PSTPIP1: variants seen among roughly 807,000 people sequenced by gnomAD.
PSTPIP1 encodes proline-serine-threonine phosphatase-interacting protein 1.
A neutral mutation model predicts 69.6 loss-of-function variants in PSTPIP1; 66 were observed. The observed-to-expected ratio is 0.95, with a 90% CI of 0.78 to 1.16. PSTPIP1 has a LOEUF of 1.16. Ranked by LOEUF, PSTPIP1 falls within the 50% of genes most tolerant of loss-of-function variation. PSTPIP1 has a pLI of 0.00. For synonymous variants in PSTPIP1, 266 were observed against 222.7 expected (o/e 1.19, Z -1.73); for missense variants, 603 against 557.4 (o/e 1.08, Z -0.82).
intron 12 of PSTPIP1, 99 bp downstream of exon 12, chr15:77,033,051 A>G: frequency 8.4e-7 from 1 of 1,194,452 alleles, no homozygotes; most frequent in South Asian, 1.3e-5. Context: ...CTGAGCACCT[A>G]CTATGTGTCT....
At chr15:77,032,483 C>A in intron 11 of PSTPIP1, 89 bp downstream of exon 11, 1 of 1,401,928 alleles carries the variant, frequency 7.1e-7, no homozygotes, top group Non-Finnish European at 1.0e-6. Flanking sequence ...CAGGACCGGG[C>A]TGGGGTAGCT....
chr15:77,030,533 G>A lies in PSTPIP1; in HGVS notation c.594G>A (p.Leu198=). ...TATACAGGCAGAGCATTGCGCAGCT[G>A]GAGAAGGTCCGGGCTGAGTGGGAGC... ...ERVYRQSIAQ[L]EKVRAEWEQE... The change falls in exon 9 of 15, where the codon CTG becomes CTA. Residue 198 remains leucine, a synonymous_variant. Coordinates refer to ENST00000558012, the MANE Select transcript of PSTPIP1 (RefSeq NM_003978.5). 8.7e-6 allele frequency: 14 copies of A among 1,612,588 alleles called. No individual in the cohort carries two copies. Among genetic ancestry groups the A allele is most frequent in the Non-Finnish European group, 1.2e-5 (14 of 1,179,498 alleles).
At chr15:77,013,582 C>T (rs564043400) in intron 1 of PSTPIP1, among the ~76,000 whole-genome samples, 1 of 152,200 alleles carries the variant, frequency 6.6e-6, no homozygotes, top group Non-Finnish European at 1.5e-5. Flanking sequence ...CCGTTCCCTA[C>T]AGCCTTCCAC....
At chr15:77,012,529 T>C (rs1452399133) in intron 1 of PSTPIP1, among the ~76,000 whole-genome samples, 2 of 149,788 alleles carry the variant, frequency 1.3e-5, no homozygotes, top group Admixed American at 6.6e-5. Flanking sequence ...ATCCATCCAT[T>C]CATCCATCCA....
intron 1 of PSTPIP1, 128 bp downstream of exon 1, chr15:76,995,737 CTTAA>C: frequency 6.5e-7 from 1 of 1,534,732 alleles, no homozygotes; most frequent in Non-Finnish European, 8.9e-7. Flanking sequence ...GATTCTTGGT[CTTAA>C]TTGTCATGGA....
Position 77,037,424 on chromosome 15 carries a change from G to T in PSTPIP1, c.*248G>T, listed in dbSNP as rs891731055. 1 of 409,920 alleles carries T rather than the reference G, an allele frequency of 2.4e-6. No homozygotes were observed. The allele number at this position is 409,920 out of a possible 1,614,324, so 25.4% of individuals were successfully genotyped here. A position where few individuals can be genotyped will look rare whatever the true frequency, so the allele number is the denominator to read the frequency against. ...GGCAAAGGAACAAGGGAAGGAGCCT[G>T]GATGTGGAGCTCCCCAACTCAGCCG... On this transcript the variant is annotated 3_prime_UTR_variant, in exon 15 of 15. Coordinates refer to ENST00000558012, the MANE Select transcript of PSTPIP1 (RefSeq NM_003978.5).
At chr15:77,008,082 G>A (rs1322240482) in intron 1 of PSTPIP1, 2 of 456,184 alleles carry the variant, frequency 4.4e-6, no homozygotes, top group East Asian at 7.0e-5. Flanking sequence ...AGAGCTGGGG[G>A]TGGAGGGCGG....
intron 1 of PSTPIP1, among the ~76,000 whole-genome samples, chr15:76,997,346 G>A (rs889270251): frequency 2.6e-5 from 4 of 152,200 alleles, no homozygotes; most frequent in Non-Finnish European, 5.9e-5. Context: ...CACTGAGTCT[G>A]GGCCGATGCC....
At chr15:77,026,529 T>C (rs2076284837) in intron 5 of PSTPIP1, among the ~76,000 whole-genome samples, 1 of 152,192 alleles carries the variant, frequency 6.6e-6, no homozygotes, top group Non-Finnish European at 1.5e-5. Context: ...TGTGCCTCAG[T>C]TTCCCTCTCA....
intron 1 of PSTPIP1, among the ~76,000 whole-genome samples, chr15:77,007,556 C>G (rs1168208600): frequency 6.6e-6 from 1 of 151,416 alleles, no homozygotes; most frequent in Non-Finnish European, 1.5e-5. Context: ...TTGCAGTGAG[C>G]TGTAATCATG....
chr15:77,033,598 G>A (rs2076474774), intron 12 of PSTPIP1, among the ~76,000 whole-genome samples: 2 of 152,172 alleles, frequency 1.3e-5, no homozygotes, highest in African/African-American at 4.8e-5. Flanking sequence ...ACAAGGGTCT[G>A]TGGGTTTCAC....
intron 12 of PSTPIP1, among the ~76,000 whole-genome samples, 179 bp downstream of exon 12, chr15:77,033,131 C>G (rs1196880738): frequency 6.6e-6 from 1 of 152,202 alleles, no homozygotes. Flanking sequence ...GCCTATGGAA[C>G]CCTCAGCCCA....
At chr15:77,013,464 G>A (rs559948810) in intron 1 of PSTPIP1, among the ~76,000 whole-genome samples, 5 of 152,242 alleles carry the variant, frequency 3.3e-5, no homozygotes, top group South Asian at 2.1e-4. Context: ...TCATTGCCCT[G>A]GTACTGTTGT....
At chr15:77,019,356 G>A (rs1346293853) in intron 3 of PSTPIP1, among the ~76,000 whole-genome samples, 2 of 152,182 alleles carry the variant, frequency 1.3e-5, no homozygotes, top group Non-Finnish European at 1.5e-5. Context: ...TCCTCCTGCC[G>A]AGGGGCCCTG....
chr15:77,015,007 G>A (rs1271707337), intron 1 of PSTPIP1, among the ~76,000 whole-genome samples: 1 of 152,182 alleles, frequency 6.6e-6, no homozygotes, highest in Non-Finnish European at 1.5e-5. Flanking sequence ...ATCCAGGACG[G>A]GTTATCCTGG....
At position 77,029,628 on chromosome 15, in the gene PSTPIP1, C is replaced by T. The variant is rs543075797; in HGVS notation, c.562+54C>T. Reference sequence around the variant, plus strand: ...CAGGGCGGAGGCCTGGGCGGTACTCCCCACACACACCTCCTCACCCTGGGG... The same window carrying T: ...CAGGGCGGAGGCCTGGGCGGTACTCTCCACACACACCTCCTCACCCTGGGG... On this transcript the variant is annotated intron_variant, in intron 8 of 14. Coordinates refer to ENST00000558012, the MANE Select transcript of PSTPIP1 (RefSeq NM_003978.5). The T allele has an allele frequency of 2.0e-5, 31 of 1,513,094 alleles. No homozygotes were observed. The African/African-American group carries it at 3.9e-4, about 19-fold the overall frequency. The allele number at this position is 1,513,094 out of a possible 1,614,324, so 93.7% of individuals were successfully genotyped here.
intron 5 of PSTPIP1, among the ~76,000 whole-genome samples, chr15:77,025,909 A>T (rs1015750718): frequency 6.6e-6 from 1 of 152,190 alleles, no homozygotes; most frequent in South Asian, 2.1e-4. Flanking sequence ...GCAACTTGGC[A>T]GTGTCCAGAG....
In PSTPIP1 at chr15:77,025,199, A is replaced by G; in HGVS notation, c.213-85A>G. ...TCCCACCAAAATAAAAGTCCTCCCC[A>G]CTGCCCACCCCGCCGGGAGGCAGCC... On this transcript the variant is annotated intron_variant, in intron 3 of 14. Coordinates refer to ENST00000558012, the MANE Select transcript of PSTPIP1 (RefSeq NM_003978.5). 3 of 1,450,908 alleles carry G rather than the reference A, an allele frequency of 2.1e-6. No individual in the cohort carries two copies. The South Asian group carries it at 3.4e-5, about 17-fold the overall frequency. The allele number at this position is 1,450,908 out of a possible 1,614,324, so 89.9% of individuals were successfully genotyped here.
At chr15:77,021,884 A>G (rs1471995017) in intron 3 of PSTPIP1, among the ~76,000 whole-genome samples, 2 of 151,176 alleles carry the variant, frequency 1.3e-5, no homozygotes, top group Non-Finnish European at 2.9e-5. Flanking sequence ...TGTCACCTCC[A>G]CTCCCCTATT....
Sources: allele counts gnomAD v4.1 joint callset (sites outside exome capture counted in the v4.1 genomes callset), GRCh38; gene constraint gnomAD v4.1.1; transcripts MANE v1.5; gene names NCBI Gene and HGNC (gene_info 2026-07-23, HGNC 2026-07-21).